CHST8: variants seen among roughly 807,000 people sequenced by gnomAD.
The protein encoded by CHST8 is carbohydrate sulfotransferase 8.
CHST8 carries 10 observed loss-of-function variants against 15.0 expected under a neutral mutation model. The observed-to-expected ratio is 0.67, with a 90% CI of 0.41 to 1.13. The LOEUF (loss-of-function observed/expected upper bound fraction) is 1.13. Among genes scored for constraint, CHST8 ranks in the 50% most tolerant of loss-of-function variants. CHST8 has a pLI of 0.00. For synonymous variants in CHST8, 259 were observed against 256.6 expected, an observed-to-expected ratio of 1.01 and a Z score of -0.09; for missense variants, 634 against 608.2, an observed-to-expected ratio of 1.04 and a Z score of -0.45.
chr19:33,649,569 G>C (rs958092062), intron 1 of CHST8, among the ~76,000 whole-genome samples: 12 of 152,162 alleles, frequency 7.9e-5, no homozygotes, highest in East Asian at 3.9e-4. Flanking sequence ...ACATTCATGA[G>C]GGGGGTCTGG....
chr19:33,679,669 G>C (rs1972859611), intron 2 of CHST8, among the ~76,000 whole-genome samples: 1 of 152,222 alleles, frequency 6.6e-6, no homozygotes, highest in Admixed American at 6.5e-5. Context: ...GCATGGCTGG[G>C]GTGGAGAGAG....
chr19:33,757,588 GAAA>G lies in CHST8; in HGVS notation c.131-13824_131-13822del, dbSNP rs1568359108. Among the ~76,000 whole-genome samples, 4 of 141,360 alleles carry G rather than the reference GAAA, an allele frequency of 2.8e-5. 1 individual carries two copies. Among genetic ancestry groups the G allele is most frequent in the African/African-American group, 1.1e-4 (4 of 38,006 alleles). The allele number at this position is 141,360 out of a possible 152,430, so 92.7% of individuals were successfully genotyped here. ...AGAAAGAAAGAAAGAAAGAAAGAAA[GAAA>G]GAAAGAAAGAAAGAGCCGGCCATTC... On this transcript the variant is annotated intron_variant, in intron 3 of 4. Transcript: ENST00000650847.
At chr19:33,734,227 T>C (rs181975355) in intron 3 of CHST8, among the ~76,000 whole-genome samples, 10 of 152,226 alleles carry the variant, frequency 6.6e-5, no homozygotes, top group Admixed American at 5.9e-4. Flanking sequence ...ACCAGCGCCA[T>C]GACAGTTTAC....
At chr19:33,704,470 A>G (rs977958924) in intron 3 of CHST8, among the ~76,000 whole-genome samples, 9 of 152,214 alleles carry the variant, frequency 5.9e-5, no homozygotes, top group African/African-American at 2.2e-4. Flanking sequence ...AGGATGGGGG[A>G]AAGGGGATGG....
chr19:33,698,584 G>T (rs1452084891), intron 3 of CHST8, among the ~76,000 whole-genome samples: 1 of 151,960 alleles, frequency 6.6e-6, no homozygotes, highest in Admixed American at 6.6e-5. Context: ...GGGGAGGGCA[G>T]TGGTCTTGGT....
At position 33,627,098 on chromosome 19, in the gene CHST8, TG is replaced by T. The variant is rs71181368; in HGVS notation, c.-164+4812del. Among the ~76,000 whole-genome samples the T allele has an allele frequency of 2.3e-3, 159 of 68,792 alleles. 3 individuals are homozygous for T. Among genetic ancestry groups the T allele is most frequent in the East Asian group, 0.018 (38 of 2,136 alleles). 45.1% of individuals were successfully genotyped at this position (68,792 alleles called of 152,430 possible). A position where few individuals can be genotyped will look rare whatever the true frequency, so the allele number is the denominator to read the frequency against. ...AGCCAGCATGCCTGTCCTCTTTTTT[TG>T]GGGGGGGGGCGGGTGGGGTGACGGA... On this transcript the variant is annotated intron_variant, in intron 1 of 4. Coordinates refer to ENST00000650847, the MANE Select transcript of CHST8 (RefSeq NM_001127895.2).
intron 3 of CHST8, among the ~76,000 whole-genome samples, chr19:33,752,613 G>T (rs558874119): frequency 6.6e-6 from 1 of 152,112 alleles, no homozygotes; most frequent in Admixed American, 6.5e-5. Context: ...CCTTCCCGCC[G>T]CCCCACGTTA....
At chr19:33,724,895 AC>A (rs921462597) in intron 3 of CHST8, among the ~76,000 whole-genome samples, 3 of 152,066 alleles carry the variant, frequency 2.0e-5, no homozygotes, top group South Asian at 2.1e-4. Flanking sequence ...ACCTCGGCAC[AC>A]CCCAGCCAGG....
At chr19:33,750,194 G>A (rs1017538834) in intron 3 of CHST8, among the ~76,000 whole-genome samples, 2 of 152,218 alleles carry the variant, frequency 1.3e-5, no homozygotes, top group African/African-American at 4.8e-5. Context: ...GGGTCATCAA[G>A]TGCTAGTTAA....
chr19:33,690,075 G>A (rs972572607), intron 3 of CHST8, among the ~76,000 whole-genome samples: 2 of 152,158 alleles, frequency 1.3e-5, no homozygotes, highest in Admixed American at 1.3e-4. Flanking sequence ...CCAGAGATAT[G>A]GAAGGACAGG....
chr19:33,689,309 C>T lies in CHST8; in HGVS notation c.48C>T (p.Ser16=). 1 of 1,609,720 alleles carries T rather than the reference C, an allele frequency of 6.2e-7. No individual in the cohort carries two copies. Residue 16 remains serine, a synonymous_variant, in exon 3 of 5, where the codon TCC becomes TCT. Coordinates refer to ENST00000650847, the MANE Select transcript of CHST8 (RefSeq NM_001127895.2). ...GTMRLACMFS[S]ILLFGAAGLL... ...TGCGGCTGGCCTGCATGTTCTCTTC[C>T]ATCCTGCTGTTCGGAGCTGCAGGCC...
intron 1 of CHST8, among the ~76,000 whole-genome samples, chr19:33,665,702 C>T (rs942563997): frequency 3.9e-5 from 6 of 151,916 alleles, no homozygotes; most frequent in African/African-American, 1.5e-4. Flanking sequence ...CAGGGTGAGG[C>T]TGGGGCCGCA....
intron 3 of CHST8, among the ~76,000 whole-genome samples, chr19:33,719,577 G>A (rs1350618698): frequency 6.6e-5 from 10 of 151,902 alleles, no homozygotes; most frequent in Admixed American, 2.0e-4. Flanking sequence ...AGAACTCGGG[G>A]GGACACCTAG....
intron 1 of CHST8, among the ~76,000 whole-genome samples, chr19:33,645,673 A>C (rs960529103): frequency 2.0e-5 from 3 of 152,188 alleles, no homozygotes; most frequent in South Asian, 2.1e-4. Context: ...GATGTCCAGT[A>C]CACATGCAAT....
Position 33,721,049 on chromosome 19 carries a change from A to G in CHST8, c.130+31658A>G, listed in dbSNP as rs372563115. 9.2e-5 allele frequency among the ~76,000 whole-genome samples: 14 copies of G among 152,314 alleles called. No homozygotes were observed. In the East Asian group the frequency reaches 1.5e-3, roughly 17 times the overall value. On this transcript the variant is annotated intron_variant, in intron 3 of 4. Transcript: ENST00000650847. ...TCCCAGGTTCAGGGCCACTCATCTC[A>G]GCTCTGTCTTATCTGTGGAAATAGG...
At chr19:33,704,004 G>T (rs1973394131) in intron 3 of CHST8, among the ~76,000 whole-genome samples, 2 of 152,186 alleles carry the variant, frequency 1.3e-5, no homozygotes, top group South Asian at 4.1e-4. Context: ...TCGCGTCTGG[G>T]GTCCCAGAGG....
chr19:33,686,102 A>G (rs1972974602), intron 2 of CHST8, among the ~76,000 whole-genome samples: 1 of 152,072 alleles, frequency 6.6e-6, no homozygotes, highest in Admixed American at 6.6e-5. Flanking sequence ...CTTAGGGGCT[A>G]AACCCTGAAG....
At position 33,638,035 on chromosome 19, in the gene CHST8, C is replaced by T. The variant is rs574334616; in HGVS notation, c.-164+15739C>T. ...CCCAAGGAGATAGATTTCTTGCTCT[C>T]ATGTTTGTTTCCTGGGCGACTGTGT... On this transcript the variant is annotated intron_variant, in intron 1 of 4. Coordinates refer to ENST00000650847, the MANE Select transcript of CHST8 (RefSeq NM_001127895.2). 5.8e-4 allele frequency among the ~76,000 whole-genome samples: 88 copies of T among 152,070 alleles called. 3 individuals carry two copies. Among genetic ancestry groups the T allele is most frequent in the Non-Finnish European group, 5.0e-4 (34 of 67,990 alleles).
chr19:33,640,944 C>T (rs912439930), intron 1 of CHST8, among the ~76,000 whole-genome samples: 14 of 152,122 alleles, frequency 9.2e-5, no homozygotes, highest in African/African-American at 3.4e-4. Context: ...CCAGGGAGCT[C>T]CTTGCCCAAA....
Sources: allele counts gnomAD v4.1 joint callset (sites outside exome capture counted in the v4.1 genomes callset), GRCh38; gene constraint gnomAD v4.1.1; transcripts MANE v1.5; gene names NCBI Gene and HGNC (gene_info 2026-07-23, HGNC 2026-07-21).